The following SBF2 variants were observed in gnomAD, a reference collection of about 807,000 sequenced individuals.
SBF2 encodes the protein SET binding factor 2.
A neutral mutation model predicts 225.2 loss-of-function variants in SBF2; 112 were observed. That is an observed-to-expected ratio of 0.50 (90% confidence interval 0.43 to 0.58). The LOEUF is 0.58. Ranked by LOEUF, SBF2 falls within the 20% of genes least tolerant of loss-of-function variation. The pLI is 0.00. For synonymous variants in SBF2, 763 were observed against 773.3 expected (o/e 0.99, Z 0.22); for missense variants, 1,996 against 2,206.2 (o/e 0.90, Z 1.91).
chr11:10,004,504 A>G (rs1337009686), intron 6 of SBF2, among the ~76,000 whole-genome samples: 1 of 150,852 alleles, frequency 6.6e-6, no homozygotes, highest in Non-Finnish European at 1.5e-5. Context: ...AGCCAAAGGG[A>G]AGTCAAGCTA....
At chr11:9,844,400 A>T (rs534848969) in intron 24 of SBF2, among the ~76,000 whole-genome samples, 3 of 152,228 alleles carry the variant, frequency 2.0e-5, no homozygotes, top group Non-Finnish European at 4.4e-5. Flanking sequence ...TTGTATTGGC[A>T]GATGCCCGAA....
At chr11:9,817,350 A>G (rs761570180) in intron 28 of SBF2, among the ~76,000 whole-genome samples, 15 of 152,150 alleles carry the variant, frequency 9.9e-5, no homozygotes, top group African/African-American at 2.7e-4. Context: ...AAAACAAAAC[A>G]TGCTGGCAGG....
chr11:9,865,220 G>A (rs1271071134), intron 17 of SBF2, among the ~76,000 whole-genome samples: 1 of 151,924 alleles, frequency 6.6e-6, no homozygotes, highest in Non-Finnish European at 1.5e-5. Flanking sequence ...CAGGTAATGA[G>A]AATTATCTGA....
At chr11:10,004,876 C>A (rs1339710268) in intron 6 of SBF2, among the ~76,000 whole-genome samples, 1 of 152,154 alleles carries the variant, frequency 6.6e-6, no homozygotes, top group Non-Finnish European at 1.5e-5. Context: ...CTGGAAGCCC[C>A]CTCCCCTGCT....
chr11:10,176,719 A>T (rs1347636499), intron 2 of SBF2, among the ~76,000 whole-genome samples: 1 of 152,202 alleles, frequency 6.6e-6, no homozygotes, highest in Admixed American at 6.5e-5. Context: ...AACCAAAAAG[A>T]GTCCAGGACC....
intron 13 of SBF2, among the ~76,000 whole-genome samples, chr11:9,987,467 GA>G (rs1947251225): frequency 6.6e-6 from 1 of 152,092 alleles, no homozygotes; most frequent in Non-Finnish European, 1.5e-5. Flanking sequence ...CGGTAAAGAG[GA>G]AGTAAAACTG....
intron 2 of SBF2, among the ~76,000 whole-genome samples, chr11:10,170,320 G>A (rs1956134972): frequency 6.6e-6 from 1 of 152,136 alleles, no homozygotes; most frequent in South Asian, 2.1e-4. Flanking sequence ...CGAGAAAGAG[G>A]GGTCTAGTTT....
intron 1 of SBF2, among the ~76,000 whole-genome samples, chr11:10,248,288 ATGT>A (rs1218412549): frequency 5.3e-5 from 8 of 152,372 alleles, no homozygotes; most frequent in Middle Eastern, 6.8e-3. Flanking sequence ...AAGTCTAAGC[ATGT>A]TGTAGGTGGT....
rs990711701 is a variant in SBF2 at position 10,000,903 on chromosome 11, T to C, written c.861+11A>G. 7.1e-7 allele frequency: 1 copy of C among 1,398,818 alleles called. No homozygotes were observed. The highest frequency in any genetic ancestry group is 1.0e-6 in the Non-Finnish European group (1 of 984,030). 86.7% of individuals were successfully genotyped at this position (1,398,818 alleles called of 1,614,324 possible). A position where few individuals can be genotyped will look rare whatever the true frequency, so the allele number is the denominator to read the frequency against. On this transcript the variant is annotated intron_variant, in intron 8 of 39. Coordinates refer to ENST00000256190, the MANE Select transcript of SBF2 (RefSeq NM_030962.4). ...ACTCAATAACTGGAAACTTTAAAGA[T>C]GAATACTTACAAGTTCATGGACATC...
At chr11:9,969,022 AT>A (rs34188583) in intron 13 of SBF2, among the ~76,000 whole-genome samples, 30,566 of 152,132 alleles carry the variant, frequency 0.2, 3,945 homozygotes, top group Non-Finnish European at 0.3. Context: ...TTTCACTTGG[AT>A]TTTTTAAAAA....
At chr11:9,962,624 G>C (rs1444030143) in intron 15 of SBF2, among the ~76,000 whole-genome samples, 3 of 152,098 alleles carry the variant, frequency 2.0e-5, no homozygotes, top group Non-Finnish European at 2.9e-5. Context: ...GAAAGAAAAA[G>C]GACTCGGAGT....
chr11:9,830,356 A>G (rs1191168905), intron 27 of SBF2, among the ~76,000 whole-genome samples: 1 of 152,226 alleles, frequency 6.6e-6, no homozygotes, highest in Admixed American at 6.5e-5. Context: ...CTAACAATAA[A>G]AACTGCTTAT....
chr11:9,828,181 C>T, intron 28 of SBF2: 1 of 1,289,668 alleles, frequency 7.8e-7, no homozygotes. Flanking sequence ...GCACTACCTG[C>T]TTAAGCACAG....
intron 1 of SBF2, among the ~76,000 whole-genome samples, chr11:10,246,254 C>T (rs1959779698): frequency 6.6e-6 from 1 of 152,120 alleles, no homozygotes; most frequent in Non-Finnish European, 1.5e-5. Flanking sequence ...AATTTGTATA[C>T]ATTAAATATG....
At chr11:9,900,659 GA>G (rs935097430) in intron 16 of SBF2, among the ~76,000 whole-genome samples, 3 of 152,138 alleles carry the variant, frequency 2.0e-5, no homozygotes, top group African/African-American at 7.2e-5. Context: ...GCCTTGCTGA[GA>G]AAAAGACAAT....
intron 21 of SBF2, among the ~76,000 whole-genome samples, chr11:9,852,082 G>C (rs1856997939): frequency 2.0e-5 from 3 of 152,154 alleles, no homozygotes; most frequent in Admixed American, 6.6e-5. Flanking sequence ...GCCTCAATTT[G>C]TTTTTGTTCT....
intron 16 of SBF2, among the ~76,000 whole-genome samples, chr11:9,911,513 A>G (rs1379168482): frequency 6.6e-6 from 1 of 152,218 alleles, no homozygotes; most frequent in Non-Finnish European, 1.5e-5. Context: ...AAAAATTAAA[A>G]ATTTTGTAAA....
At chr11:10,007,399 T>G (rs1012553357) in intron 6 of SBF2, among the ~76,000 whole-genome samples, 2 of 152,192 alleles carry the variant, frequency 1.3e-5, no homozygotes, top group African/African-American at 2.4e-5. Context: ...GGCTAATATT[T>G]TTCTGTAACA....
chr11:9,933,516 C>T (rs937727820), intron 16 of SBF2, among the ~76,000 whole-genome samples: 1 of 152,126 alleles, frequency 6.6e-6, no homozygotes, highest in Admixed American at 6.5e-5. Context: ...CACTCAAAAC[C>T]GCTCAACTAC....
Sources: allele counts gnomAD v4.1 joint callset (sites outside exome capture counted in the v4.1 genomes callset), GRCh38; gene constraint gnomAD v4.1.1; transcripts MANE v1.5; gene names NCBI Gene and HGNC (gene_info 2026-07-23, HGNC 2026-07-21).